The following ANKS1B variants were observed in gnomAD, a reference collection of about 807,000 sequenced individuals.
ANKS1B encodes the protein ankyrin repeat and sterile alpha motif domain-containing protein 1B.
In ANKS1B, 36 loss-of-function variants were observed where a neutral mutation model predicts 148.3. That is an observed-to-expected ratio of 0.24 (90% CI 0.19 to 0.32). The LOEUF (loss-of-function observed/expected upper bound fraction) is 0.32. Ranked by LOEUF, ANKS1B falls within the 10% of genes least tolerant of loss-of-function variation. ANKS1B has a pLI of 1.00. For missense variants in ANKS1B, 1,157 were observed against 1,542.6 expected (o/e 0.75, Z 4.19); for synonymous variants, 542 against 560.8 (o/e 0.97, Z 0.47).
At chr12:98,849,301 T>C (rs556938389) in intron 17 of ANKS1B, among the ~76,000 whole-genome samples, 17 of 152,314 alleles carry the variant, frequency 1.1e-4, no homozygotes, top group African/African-American at 3.9e-4. Flanking sequence ...TTCTATTTCA[T>C]GAGCATGGAC....
chr12:99,688,512 G>A (rs889125283), intron 8 of ANKS1B, among the ~76,000 whole-genome samples: 3 of 152,176 alleles, frequency 2.0e-5, no homozygotes, highest in Non-Finnish European at 4.4e-5. Context: ...CTCTTGATGA[G>A]AGACTGATCG....
At chr12:99,632,018 A>T (rs1466989491) in intron 9 of ANKS1B, among the ~76,000 whole-genome samples, 1 of 152,204 alleles carries the variant, frequency 6.6e-6, no homozygotes, top group Non-Finnish European at 1.5e-5. Flanking sequence ...AGGCTCTCCC[A>T]TCACAGGCTC....
intron 2 of ANKS1B, among the ~76,000 whole-genome samples, chr12:99,820,644 CCTT>C (rs1477948796): frequency 6.6e-6 from 1 of 151,836 alleles, no homozygotes; most frequent in Admixed American, 6.6e-5. Flanking sequence ...AAAGAAATAA[CCTT>C]CTTCTCTGGC....
Position 98,751,592 on chromosome 12 carries a change from A to C in ANKS1B, c.3580-70T>G, listed in dbSNP as rs2098091462. 1 of 1,462,278 alleles carries C rather than the reference A, an allele frequency of 6.8e-7. No individual in the cohort carries two copies. Among genetic ancestry groups the C allele is most frequent in the African/African-American group, 1.4e-5 (1 of 71,422 alleles). 90.6% of individuals were successfully genotyped at this position (1,462,278 alleles called of 1,614,324 possible). A position where few individuals can be genotyped will look rare whatever the true frequency, so the allele number is the denominator to read the frequency against. ...TTAGAATGGGTCGAATGGCTGAGGA[A>C]CACTGAGGGAGGTGAACTAGGGAGG... On this transcript the variant is annotated intron_variant, in intron 25 of 26. Transcript: ENST00000683438. This position sits in a 1 kb window ranked among gnomAD's most constrained non-coding sequence, Gnocchi z 4.3.
intron 9 of ANKS1B, among the ~76,000 whole-genome samples, chr12:99,531,641 G>A (rs2096992374): frequency 6.6e-6 from 1 of 152,142 alleles, no homozygotes; most frequent in Non-Finnish European, 1.5e-5. Context: ...CCGTATCTTT[G>A]CAATTGTGAA....
intron 9 of ANKS1B, among the ~76,000 whole-genome samples, chr12:99,562,385 G>A (rs74544672): frequency 0.086 from 13,022 of 152,208 alleles, 787 homozygotes; most frequent in East Asian, 0.24. Context: ...TTGAAGCCAG[G>A]CATTAACTTC....
intron 17 of ANKS1B, among the ~76,000 whole-genome samples, chr12:99,034,100 C>T (rs191591691): frequency 1.3e-5 from 2 of 152,322 alleles, no homozygotes; most frequent in East Asian, 3.9e-4. Flanking sequence ...TCACCCCAGA[C>T]TGCTGTGTGA....
intron 15 of ANKS1B, among the ~76,000 whole-genome samples, chr12:99,134,663 A>T (rs936865620): frequency 0.052 from 6,097 of 118,046 alleles, 508 homozygotes; most frequent in African/African-American, 0.16. Flanking sequence ...ACACACACAC[A>T]CACACACACA....
Position 99,121,860 on chromosome 12 carries a change from CT to C in ANKS1B, c.2526+32428del, listed in dbSNP as rs150761436. Among the ~76,000 whole-genome samples the C allele has an allele frequency of 3.3e-3, 504 of 152,314 alleles. 6 individuals carry two copies. The highest frequency in any genetic ancestry group is 0.011 in the African/African-American group (473 of 41,572). The stretch of plus-strand genomic sequence containing the variant: ...TTTGTGGTTTGCTTATTGAAAGTCA[CT>C]GCTGAGCTGATACGGGTGTTGGGGA... On this transcript the variant is annotated intron_variant, in intron 15 of 26. Transcript: ENST00000683438.
chr12:99,295,595 T>C (rs1032097144), intron 12 of ANKS1B, among the ~76,000 whole-genome samples: 44 of 152,190 alleles, frequency 2.9e-4, no homozygotes, highest in African/African-American at 1.1e-3. Context: ...GGATTATACT[T>C]TCAGTGTCAT....
At chr12:99,103,733 TGC>T (rs2058529555) in intron 15 of ANKS1B, among the ~76,000 whole-genome samples, 2 of 152,214 alleles carry the variant, frequency 1.3e-5, no homozygotes, top group African/African-American at 4.8e-5. Context: ...AAATGTTTTT[TGC>T]ACCTGCTCTA....
chr12:99,209,176 C>T (rs1278505225), intron 14 of ANKS1B, among the ~76,000 whole-genome samples: 1 of 152,120 alleles, frequency 6.6e-6, no homozygotes, highest in East Asian at 1.9e-4. Context: ...TTCAAAAGTC[C>T]AATTTGAGAT....
intron 12 of ANKS1B, among the ~76,000 whole-genome samples, chr12:99,375,672 AT>A (rs1845141442): frequency 6.7e-6 from 1 of 149,042 alleles, no homozygotes; most frequent in South Asian, 2.1e-4. Context: ...ACTCTAAGAC[AT>A]GTTAAAAAAA....
chr12:99,940,087 C>T (rs1242754133), intron 1 of ANKS1B, among the ~76,000 whole-genome samples: 1 of 152,128 alleles, frequency 6.6e-6, no homozygotes, highest in Non-Finnish European at 1.5e-5. Context: ...TGCATAAGCA[C>T]ATTTCCAAAA....
At position 99,677,805 on chromosome 12, in the gene ANKS1B, C is replaced by T. The variant is rs1020048328; in HGVS notation, c.1129-22595G>A. On this transcript the variant is annotated intron_variant, in intron 8 of 26. Coordinates refer to ENST00000683438, the MANE Select transcript of ANKS1B (RefSeq NM_001352186.2). ...TGGCTAACACCATGAAACCCTGTCT[C>T]TACTAAAAATACAAAAAATTAGCCG... Among the ~76,000 whole-genome samples the T allele has an allele frequency of 2.0e-5, 3 of 152,046 alleles. No homozygotes were observed. In the East Asian group the frequency reaches 5.8e-4, roughly 29 times the overall value.
chr12:99,731,380 A>G (rs970784456), intron 8 of ANKS1B, among the ~76,000 whole-genome samples: 2 of 146,972 alleles, frequency 1.4e-5, no homozygotes, highest in African/African-American at 2.5e-5. Flanking sequence ...CTGCCTCCCA[A>G]AGCGCTGGGA....
chr12:99,486,658 C>G (rs1395365478), intron 10 of ANKS1B, among the ~76,000 whole-genome samples: 1 of 152,032 alleles, frequency 6.6e-6, no homozygotes, highest in Non-Finnish European at 1.5e-5. Flanking sequence ...GAGGAGCTCA[C>G]AGTGATTTGC....
At chr12:99,666,857 GGTGT>G (rs3083633) in intron 8 of ANKS1B, among the ~76,000 whole-genome samples, 1,739 of 132,502 alleles carry the variant, frequency 0.013, 17 homozygotes, top group African/African-American at 0.026. Context: ...GTTACTATGG[GGTGT>G]GTGTGTGTGT....
chr12:99,519,694 T>C (rs2096856100), intron 9 of ANKS1B, among the ~76,000 whole-genome samples: 1 of 152,142 alleles, frequency 6.6e-6, no homozygotes, highest in Non-Finnish European at 1.5e-5. Context: ...CTATTTGAAG[T>C]CAGTCTTCTC....
Sources: gnomAD v4.1 joint callset for allele counts (sites outside exome capture counted in the v4.1 genomes callset) on GRCh38, gnomAD v4.1.1 for gene constraint, Gnocchi (gnomAD v3.1) non-coding constraint, MANE v1.5 for transcripts, NCBI Gene and HGNC (gene_info 2026-07-23, HGNC 2026-07-21) for gene names.